The following LRBA variants were observed in gnomAD, a reference collection of about 807,000 sequenced individuals.
LRBA encodes LPS responsive beige-like anchor protein.
Under a neutral mutation model 330.0 loss-of-function variants are expected in LRBA, and 176 were observed. The ratio of observed to expected loss-of-function variants is 0.53; its 90% CI spans 0.47 to 0.60. The LOEUF is 0.60. Among genes scored for constraint, LRBA ranks in the 20% least tolerant of loss-of-function variants. The probability of loss-of-function intolerance (pLI) is 0.00; values close to 1 mark genes in which losing one functional copy is unlikely to be tolerated. For synonymous variants in LRBA, 1,230 were observed against 1,193.0 expected, an observed-to-expected ratio of 1.03 and a Z score of -0.64; for missense variants, 3,259 against 3,444.8, an observed-to-expected ratio of 0.95 and a Z score of 1.35.
chr4:150,855,142 C>T (rs1329658452), intron 22 of LRBA, among the ~76,000 whole-genome samples: 1 of 152,144 alleles, frequency 6.6e-6, no homozygotes, highest in Non-Finnish European at 1.5e-5. Context: ...CCTGTAATCC[C>T]AGCTACTCAG....
At chr4:150,821,643 C>A (rs1053671113) in intron 30 of LRBA, among the ~76,000 whole-genome samples, 1 of 152,118 alleles carries the variant, frequency 6.6e-6, no homozygotes, top group African/African-American at 2.4e-5. Flanking sequence ...CACACAAATG[C>A]TATTTTACTT....
chr4:150,311,699 T>G (rs1731090703), intron 51 of LRBA, among the ~76,000 whole-genome samples: 1 of 152,210 alleles, frequency 6.6e-6, no homozygotes, highest in African/African-American at 2.4e-5. Context: ...AGGCTTCATA[T>G]GCTTTTGGAG....
intron 46 of LRBA, among the ~76,000 whole-genome samples, chr4:150,427,446 G>A (rs1171714425): frequency 6.6e-6 from 1 of 151,870 alleles, no homozygotes; most frequent in Non-Finnish European, 1.5e-5. Context: ...TTGAAGAAAA[G>A]GGCTAAAGAG....
intron 2 of LRBA, among the ~76,000 whole-genome samples, chr4:150,971,025 A>G (rs529811460): frequency 6.6e-6 from 1 of 152,312 alleles, no homozygotes; most frequent in South Asian, 2.1e-4. Flanking sequence ...CCAAAAGTCT[A>G]CCTGATTCCA....
intron 23 of LRBA, 152 bp downstream of exon 23, chr4:150,851,733 T>C: frequency 1.3e-6 from 1 of 758,096 alleles, no homozygotes; most frequent in Non-Finnish European, 1.9e-6. Context: ...ACTGTGCTAA[T>C]GATCTGAAAT....
At position 150,671,041 on chromosome 4, in the gene LRBA, T is replaced by TGTGTGTGTGTGA. The variant is rs779665914; in HGVS notation, c.5921+12509_5921+12510insTCACACACACAC. On this transcript the variant is annotated intron_variant, in intron 37 of 56. Transcript: ENST00000651943. ...GTGTGTGTGTGTGTGTGTGTGTGTG[T>TGTGTGTGTGTGA]GAGAGAGAGAGAGAGAGAGAGACAG... 9.5e-4 allele frequency among the ~76,000 whole-genome samples: 136 copies of TGTGTGTGTGTGA among 142,806 alleles called. 1 individual carries two copies. The highest frequency in any genetic ancestry group is 1.0e-3 in the East Asian group (5 of 4,780). The allele number at this position is 142,806 out of a possible 152,430, so 93.7% of individuals were successfully genotyped here.
chr4:150,893,877 A>AT (rs1281809748), intron 16 of LRBA, among the ~76,000 whole-genome samples: 1 of 151,850 alleles, frequency 6.6e-6, no homozygotes, highest in Non-Finnish European at 1.5e-5. Flanking sequence ...GGGTTTCACC[A>AT]TATTAGCCAG....
intron 40 of LRBA, among the ~76,000 whole-genome samples, chr4:150,523,130 C>A (rs1296044815): frequency 2.6e-5 from 4 of 152,188 alleles, no homozygotes; most frequent in South Asian, 2.1e-4. Context: ...AACTTTTGAG[C>A]TAGAAGGAGT....
intron 28 of LRBA, among the ~76,000 whole-genome samples, chr4:150,841,279 T>G (rs1479686496): frequency 6.6e-6 from 1 of 152,240 alleles, no homozygotes; most frequent in Non-Finnish European, 1.5e-5. Flanking sequence ...ATATGTTCAA[T>G]GTTTACTAAC....
chr4:150,841,424 C>A (rs1749054153), intron 28 of LRBA, among the ~76,000 whole-genome samples: 1 of 152,106 alleles, frequency 6.6e-6, no homozygotes, highest in African/African-American at 2.4e-5. Flanking sequence ...TGAATACTTA[C>A]CGTAGGCCAG....
At chr4:150,394,925 G>A (rs1260934542) in intron 47 of LRBA, among the ~76,000 whole-genome samples, 5 of 152,108 alleles carry the variant, frequency 3.3e-5, no homozygotes, top group Non-Finnish European at 7.4e-5. Context: ...TGGCTTAAAT[G>A]CAGGAGCATA....
At chr4:150,286,701 G>T (rs928703116) in intron 53 of LRBA, among the ~76,000 whole-genome samples, 1 of 152,140 alleles carries the variant, frequency 6.6e-6, no homozygotes, top group Non-Finnish European at 1.5e-5. Context: ...GGTAGAGAAG[G>T]GGGGACAGAG....
At chr4:150,839,395 T>C (rs548038242) in intron 28 of LRBA, among the ~76,000 whole-genome samples, 11 of 152,102 alleles carry the variant, frequency 7.2e-5, no homozygotes, top group Non-Finnish European at 1.5e-4. Context: ...GGGTATATAC[T>C]CAAAGGATTA....
At chr4:150,490,770 G>A (rs1290327035) in intron 41 of LRBA, 148 bp downstream of exon 41, 1 of 434,112 alleles carries the variant, frequency 2.3e-6, no homozygotes, top group African/African-American at 2.0e-5. Context: ...AAACCATGAA[G>A]AAGCATTTGG....
chr4:150,892,807 C>T (rs1729602772), intron 17 of LRBA, among the ~76,000 whole-genome samples: 1 of 152,018 alleles, frequency 6.6e-6, no homozygotes, highest in Non-Finnish European at 1.5e-5. Context: ...ATAGCACTCA[C>T]CATACAAAAT....
chr4:150,320,455 A>C (rs1732339426), intron 50 of LRBA, among the ~76,000 whole-genome samples: 1 of 152,106 alleles, frequency 6.6e-6, no homozygotes, highest in African/African-American at 2.4e-5. Context: ...AAATACTACC[A>C]ATACTACCAT....
chr4:150,942,976 TATC>T (rs1225019367), intron 2 of LRBA, among the ~76,000 whole-genome samples: 1 of 152,196 alleles, frequency 6.6e-6, no homozygotes, highest in Non-Finnish European at 1.5e-5. Flanking sequence ...AAATTAGAAG[TATC>T]ATCTTTATAT....
intron 42 of LRBA, among the ~76,000 whole-genome samples, chr4:150,485,979 T>C (rs1280730023): frequency 6.6e-6 from 1 of 151,922 alleles, no homozygotes; most frequent in Non-Finnish European, 1.5e-5. Context: ...AAACTTTTCA[T>C]TGTAAGACAA....
chr4:150,501,522 G>C (rs146688932), intron 40 of LRBA, among the ~76,000 whole-genome samples: 43 of 152,192 alleles, frequency 2.8e-4, no homozygotes, highest in East Asian at 5.8e-4. Context: ...TGAGGCAGGA[G>C]AATCACTTGG....
Sources: gnomAD v4.1 joint callset for allele counts (sites outside exome capture counted in the v4.1 genomes callset) on GRCh38, gnomAD v4.1.1 for gene constraint, MANE v1.5 for transcripts, NCBI Gene and HGNC (gene_info 2026-07-23, HGNC 2026-07-21) for gene names.